Variants in RBMS1 observed in about 807,000 individuals in gnomAD.
The protein encoded by RBMS1 is RNA binding motif single stranded interacting protein 1, also known as RNA-binding motif, single-stranded-interacting protein 1.
A neutral mutation model predicts 62.3 loss-of-function variants in RBMS1; 17 were observed. That is an observed-to-expected ratio of 0.27 (90% confidence interval 0.19 to 0.41). RBMS1 has a LOEUF of 0.41. Among genes scored for constraint, RBMS1 ranks in the 10% least tolerant of loss-of-function variants. The pLI, the probability that RBMS1 is intolerant of heterozygous loss-of-function variation, is 1.00. For synonymous variants in RBMS1, 172 were observed against 170.0 expected (o/e 1.01, Z -0.09); for missense variants, 334 against 504.5 (o/e 0.66, Z 3.24).
At chr2:160,303,970 G>A (rs1223961903) in intron 4 of RBMS1, among the ~76,000 whole-genome samples, 1 of 152,062 alleles carries the variant, frequency 6.6e-6, no homozygotes, top group African/African-American at 2.4e-5. Flanking sequence ...CTATGGCAAA[G>A]TTCACACTAC....
chr2:160,302,102 C>T (rs1689237820), intron 5 of RBMS1, among the ~76,000 whole-genome samples: 1 of 151,448 alleles, frequency 6.6e-6, no homozygotes, highest in African/African-American at 2.4e-5. Context: ...CATCAGAAAC[C>T]AAAATAACCA....
intron 2 of RBMS1, among the ~76,000 whole-genome samples, chr2:160,322,878 A>C (rs1046010854): frequency 2.0e-5 from 3 of 152,180 alleles, no homozygotes; most frequent in Non-Finnish European, 4.4e-5. Context: ...ATGTCATGAC[A>C]AAAGAGCCAG....
At chr2:160,437,134 G>A (rs1683142847) in intron 1 of RBMS1, among the ~76,000 whole-genome samples, 1 of 152,114 alleles carries the variant, frequency 6.6e-6, no homozygotes, top group South Asian at 2.1e-4. Context: ...AACTTATACA[G>A]AAATAGAATA....
At chr2:160,410,894 C>G (rs1696003948) in intron 1 of RBMS1, among the ~76,000 whole-genome samples, 1 of 152,214 alleles carries the variant, frequency 6.6e-6, no homozygotes, top group Non-Finnish European at 1.5e-5. Context: ...CAGGCGTGTG[C>G]CACCACGCCT....
intron 6 of RBMS1, among the ~76,000 whole-genome samples, chr2:160,295,031 A>G (rs1343769316): frequency 1.3e-5 from 2 of 152,094 alleles, no homozygotes; most frequent in African/African-American, 2.4e-5. Context: ...AAAAAAAAAA[A>G]AAAGAAAAAA....
At chr2:160,330,082 A>T (rs558983519) in intron 2 of RBMS1, among the ~76,000 whole-genome samples, 1 of 152,234 alleles carries the variant, frequency 6.6e-6, no homozygotes, top group East Asian at 1.9e-4. Context: ...AAGAACATTA[A>T]ACTTTTGCTA....
At chr2:160,405,908 G>A (rs1574014345) in intron 1 of RBMS1, among the ~76,000 whole-genome samples, 1 of 152,268 alleles carries the variant, frequency 6.6e-6, no homozygotes, top group Non-Finnish European at 1.5e-5. Context: ...AGAGTGAGGT[G>A]GGTGGGGGAG....
chr2:160,280,480 T>G (rs926744228), intron 10 of RBMS1, among the ~76,000 whole-genome samples: 1 of 152,220 alleles, frequency 6.6e-6, no homozygotes, highest in Admixed American at 6.5e-5. Flanking sequence ...GTATCCACTT[T>G]AAAAGGTATC....
intron 5 of RBMS1, 146 bp from the exon 6 acceptor site, chr2:160,300,876 C>A: frequency 1.1e-6 from 1 of 882,548 alleles, no homozygotes; most frequent in South Asian, 3.1e-5. Flanking sequence ...GTCTATTCTA[C>A]CTTTTATCTA....
intron 1 of RBMS1, among the ~76,000 whole-genome samples, chr2:160,476,468 T>C (rs939043053): frequency 2.0e-5 from 3 of 152,016 alleles, no homozygotes; most frequent in Non-Finnish European, 2.9e-5. Flanking sequence ...ACAAAAAATA[T>C]GGATTCAATT....
chr2:160,304,588 A>G (rs1412629063), intron 4 of RBMS1, among the ~76,000 whole-genome samples: 1 of 152,176 alleles, frequency 6.6e-6, no homozygotes, highest in African/African-American at 2.4e-5. Flanking sequence ...TCACCTGGTA[A>G]TGTCTTGATG....
At chr2:160,313,385 G>A in intron 3 of RBMS1, 138 bp from the exon 4 acceptor site, 1 of 720,896 alleles carries the variant, frequency 1.4e-6, no homozygotes, top group South Asian at 2.0e-5. Context: ...GTTAACAGCT[G>A]CAGGCCAGTG....
intron 6 of RBMS1, among the ~76,000 whole-genome samples, chr2:160,293,296 C>G (rs1196756304): frequency 6.6e-6 from 1 of 152,128 alleles, no homozygotes; most frequent in Non-Finnish European, 1.5e-5. Context: ...AGGACAATGC[C>G]CTCATAATAT....
chr2:160,311,224 C>CCATATA (rs71297446), intron 4 of RBMS1, among the ~76,000 whole-genome samples: 595 of 56,520 alleles, frequency 0.011, 42 homozygotes, highest in Middle Eastern at 0.027. Context: ...ATCTATCTAT[C>CCATATA]TATCTATCTA....
chr2:160,273,082 T>C lies in RBMS1; in HGVS notation c.*1690A>G, dbSNP rs951005486. 3.3e-5 allele frequency: 5 copies of C among 152,354 alleles called. No homozygotes were observed. Among genetic ancestry groups the C allele is most frequent in the Middle Eastern group, 3.4e-3 (1 of 294 alleles). The allele number at this position is 152,354 out of a possible 1,614,324, so 9.4% of individuals were successfully genotyped here. On this transcript the variant is annotated 3_prime_UTR_variant, in exon 14 of 14. Coordinates refer to ENST00000348849, the MANE Select transcript of RBMS1 (RefSeq NM_016836.4). ...TTTTGGAAGACAACTTAATTTACCATTGCTTTTAAAACATATGCAATTGCC... is the reference window on the plus strand; with the variant it reads ...TTTTGGAAGACAACTTAATTTACCACTGCTTTTAAAACATATGCAATTGCC...
At position 160,426,869 on chromosome 2, in the gene RBMS1, G is replaced by A. The variant is rs375115535; in HGVS notation, c.76-59478C>T. 3.3e-5 allele frequency among the ~76,000 whole-genome samples: 5 copies of A among 152,246 alleles called. No individual in the cohort carries two copies. The East Asian group carries it at 5.8e-4, about 18-fold the overall frequency. On this transcript the variant is annotated intron_variant, in intron 1 of 13. Transcript: ENST00000348849. ...GGGAGCATGTCAGGGGGAAAAGAAT[G>A]TAAGAAGACATTATAAACAAAGGTC...
At chr2:160,367,482 C>T in intron 1 of RBMS1, 91 bp from the exon 2 acceptor site, 1 of 1,537,232 alleles carries the variant, frequency 6.5e-7, no homozygotes, top group Non-Finnish European at 8.7e-7. Flanking sequence ...ATATAGATTA[C>T]TTTAAGCTAC....
At chr2:160,401,612 G>T (rs950586714) in intron 1 of RBMS1, among the ~76,000 whole-genome samples, 2 of 152,150 alleles carry the variant, frequency 1.3e-5, no homozygotes, top group Non-Finnish European at 2.9e-5. Flanking sequence ...TTATTTTTCT[G>T]AGTAATGCAA....
chr2:160,458,665 C>G (rs1398947369), intron 1 of RBMS1, among the ~76,000 whole-genome samples: 1 of 152,008 alleles, frequency 6.6e-6, no homozygotes, highest in African/African-American at 2.4e-5. Flanking sequence ...GGCGTGGTGG[C>G]GCATGCCAAT....
Sources: allele counts gnomAD v4.1 joint callset (sites outside exome capture counted in the v4.1 genomes callset), GRCh38; gene constraint gnomAD v4.1.1; transcripts MANE v1.5; gene names NCBI Gene and HGNC (gene_info 2026-07-23, HGNC 2026-07-21).